The following ZC3H11A variants were observed in gnomAD, a reference collection of about 807,000 sequenced individuals.
ZC3H11A encodes zinc finger CCCH-type containing 11A.
Under a neutral mutation model 90.8 loss-of-function variants are expected in ZC3H11A, and 22 were observed. The observed-to-expected ratio is 0.24, with a 90% CI of 0.17 to 0.35. The LOEUF (loss-of-function observed/expected upper bound fraction) is 0.35, where lower values mean the gene tolerates loss of function less well. Ranked by LOEUF, ZC3H11A falls within the 10% of genes least tolerant of loss-of-function variation. ZC3H11A has a pLI of 1.00. For synonymous variants in ZC3H11A, 294 were observed against 339.8 expected, an observed-to-expected ratio of 0.87 and a Z score of 1.48; for missense variants, 701 against 964.9, an observed-to-expected ratio of 0.73 and a Z score of 3.62.
chr1:203,827,117 A>G (rs952922147), intron 4 of ZC3H11A, among the ~76,000 whole-genome samples: 6 of 152,154 alleles, frequency 3.9e-5, no homozygotes, highest in African/African-American at 1.2e-4. Flanking sequence ...GAGTATAGCA[A>G]TGGTTTATTC....
intron 12 of ZC3H11A, among the ~76,000 whole-genome samples, chr1:203,842,741 AAATC>A (rs1339934958): frequency 6.6e-6 from 1 of 151,818 alleles, no homozygotes; most frequent in Non-Finnish European, 1.5e-5. Context: ...ACCTTTAAAA[AAATC>A]TTCAAAAATA....
At chr1:203,799,076 T>G (rs1203420871) in intron 1 of ZC3H11A, 2 of 1,536,124 alleles carry the variant, frequency 1.3e-6, no homozygotes, top group Admixed American at 3.9e-5. Flanking sequence ...GGATCCCCGA[T>G]TTTAGAAAGT....
chr1:203,845,161 C>T (rs566043855), intron 12 of ZC3H11A, among the ~76,000 whole-genome samples: 1 of 152,292 alleles, frequency 6.6e-6, no homozygotes, highest in South Asian at 2.1e-4. Flanking sequence ...CAGACATCTG[C>T]TTTCTGTTTT....
At chr1:203,827,160 A>T (rs1285283835) in intron 4 of ZC3H11A, among the ~76,000 whole-genome samples, 1 of 152,176 alleles carries the variant, frequency 6.6e-6, no homozygotes, top group Non-Finnish European at 1.5e-5. Context: ...CTGTTGTACG[A>T]ATACTTTACA....
At chr1:203,838,733 C>G (rs1685139425) in intron 11 of ZC3H11A, among the ~76,000 whole-genome samples, 1 of 151,980 alleles carries the variant, frequency 6.6e-6, no homozygotes, top group Non-Finnish European at 1.5e-5. Context: ...GGTGGATCAC[C>G]TGAGGTCAGA....
chr1:203,837,721 T>C (rs1349905904), intron 10 of ZC3H11A, among the ~76,000 whole-genome samples: 2 of 152,130 alleles, frequency 1.3e-5, no homozygotes, highest in Non-Finnish European at 2.9e-5. Flanking sequence ...TAAGTGATCC[T>C]CCTGCCTTGA....
At chr1:203,809,357 A>G (rs565850281) in intron 2 of ZC3H11A, among the ~76,000 whole-genome samples, 75 of 151,458 alleles carry the variant, frequency 5.0e-4, no homozygotes, top group African/African-American at 1.4e-3. Context: ...TTATATTTTT[A>G]GTAGAGGCGG....
chr1:203,830,275 A>G (rs1681833181), intron 8 of ZC3H11A, 72 bp downstream of exon 8: 3 of 1,171,672 alleles, frequency 2.6e-6, no homozygotes, highest in Non-Finnish European at 3.7e-6. Context: ...TTCTAGAAGC[A>G]ACAGCCAAAA....
intron 2 of ZC3H11A, among the ~76,000 whole-genome samples, chr1:203,808,690 T>C (rs1233742192): frequency 1.5e-4 from 23 of 152,216 alleles, no homozygotes; most frequent in Admixed American, 1.5e-3. Context: ...AATTCAGTTA[T>C]TATGTTTTTC....
intron 17 of ZC3H11A, 58 bp downstream of exon 17, chr1:203,851,182 T>G: frequency 6.7e-7 from 1 of 1,483,688 alleles, no homozygotes; most frequent in African/African-American, 1.4e-5. Context: ...GTTTAGGCTC[T>G]CTAGAGAATA....
chr1:203,818,821 G>C (rs1386353512), intron 4 of ZC3H11A, 132 bp downstream of exon 4: 8 of 1,401,118 alleles, frequency 5.7e-6, no homozygotes, highest in Non-Finnish European at 7.7e-6. Context: ...TGTAGTTCCA[G>C]CACTTTGGGA....
intron 2 of ZC3H11A, among the ~76,000 whole-genome samples, chr1:203,803,485 C>G (rs902031242): frequency 6.6e-5 from 10 of 152,242 alleles, no homozygotes; most frequent in Non-Finnish European, 1.5e-4. Context: ...GCCACCGCCT[C>G]TGGCCCATAG....
At chr1:203,821,779 A>T (rs1389150939) in intron 4 of ZC3H11A, among the ~76,000 whole-genome samples, 1 of 149,456 alleles carries the variant, frequency 6.7e-6, no homozygotes, top group Non-Finnish European at 1.5e-5. Context: ...TTTTTTTGAG[A>T]CGGAGTCTTG....
rs766948649 is a variant in ZC3H11A at position 203,850,607 on chromosome 1, G to A, written c.2032G>A (p.Ala678Thr). The part of the protein sequence containing the change: ...PKRKAVEMHA[A>T]VIAAVKPLSS... Reference sequence around the variant, plus strand: ...ACGTAAGGCAGTGGAGATGCACGCTGCTGTCATTGCCGCTGTGAAGCCACT... The same window carrying A: ...ACGTAAGGCAGTGGAGATGCACGCTACTGTCATTGCCGCTGTGAAGCCACT... The change falls in exon 16 of 18, where the codon GCT becomes ACT. Residue 678 changes from alanine (A) to threonine (T), a missense_variant. Coordinates refer to ENST00000367210, the MANE Select transcript of ZC3H11A (RefSeq NM_001376342.1). The A allele has an allele frequency of 1.9e-6, 3 of 1,614,128 alleles. No individual in the cohort carries two copies. Among genetic ancestry groups the A allele is most frequent in the East Asian group, 4.5e-5 (2 of 44,874 alleles).
At chr1:203,836,560 C>G (rs575121667) in intron 10 of ZC3H11A, among the ~76,000 whole-genome samples, 1 of 152,258 alleles carries the variant, frequency 6.6e-6, no homozygotes, top group African/African-American at 2.4e-5. Flanking sequence ...CCGGCCTGAT[C>G]AACATGGTGA....
intron 1 of ZC3H11A, chr1:203,797,727 C>A (rs1242687767): frequency 6.5e-7 from 1 of 1,534,800 alleles, no homozygotes. Context: ...GAAGGGTTTG[C>A]GAATTAAGGG....
intron 1 of ZC3H11A, chr1:203,796,243 A>G (rs529592692): frequency 1.5e-4 from 59 of 394,604 alleles, no homozygotes; most frequent in African/African-American, 9.7e-4. Context: ...GCCTAAATCA[A>G]TCAGACTGAG....
chr1:203,826,237 TTTTAC>T (rs1214477607), intron 4 of ZC3H11A, among the ~76,000 whole-genome samples: 1 of 152,130 alleles, frequency 6.6e-6, no homozygotes, highest in Non-Finnish European at 1.5e-5. Flanking sequence ...GTACTTTTAT[TTTTAC>T]TTTATTTTTA....
At chr1:203,825,716 C>T (rs868846504) in intron 4 of ZC3H11A, among the ~76,000 whole-genome samples, 1 of 151,972 alleles carries the variant, frequency 6.6e-6, no homozygotes, top group Admixed American at 6.6e-5. Context: ...TGAGCCACCA[C>T]GCCTGGCATG....
Sources: allele counts gnomAD v4.1 joint callset (sites outside exome capture counted in the v4.1 genomes callset), GRCh38; gene constraint gnomAD v4.1.1; transcripts MANE v1.5; gene names NCBI Gene and HGNC (gene_info 2026-07-23, HGNC 2026-07-21).